Variants in LOXL4 observed in about 807,000 individuals in gnomAD.
The protein encoded by LOXL4 is lysyl oxidase like 4.
Under a neutral mutation model 89.1 loss-of-function variants are expected in LOXL4, and 72 were observed. The observed-to-expected ratio is 0.81, with a 90% CI of 0.67 to 0.98. The LOEUF (loss-of-function observed/expected upper bound fraction) is 0.98, where lower values mean the gene tolerates loss of function less well. Among genes scored for constraint, LOXL4 ranks in the 50% least tolerant of loss-of-function variants. The probability of loss-of-function intolerance (pLI) is 0.00; values close to 1 mark genes in which losing one functional copy is unlikely to be tolerated. For synonymous variants in LOXL4, 355 were observed against 392.1 expected (o/e 0.91, Z 1.12); for missense variants, 984 against 1,017.5 (o/e 0.97, Z 0.45).
intron 9 of LOXL4, chr10:98,256,553 TTCA>T (rs557716714): frequency 5.2e-6 from 3 of 577,128 alleles, no homozygotes; most frequent in East Asian, 3.0e-5. Flanking sequence ...CTAATTTCTA[TTCA>T]TCTTTCCTGC....
chr10:98,263,924 G>A (rs1858615976), intron 1 of LOXL4, among the ~76,000 whole-genome samples: 1 of 151,644 alleles, frequency 6.6e-6, no homozygotes, highest in Non-Finnish European at 1.5e-5. Flanking sequence ...GTAGAGACGG[G>A]GTTTCACCAT....
chr10:98,258,562 C>T (rs1858448791), intron 6 of LOXL4, among the ~76,000 whole-genome samples: 1 of 151,806 alleles, frequency 6.6e-6, no homozygotes, highest in African/African-American at 2.4e-5. Flanking sequence ...GTCTGTACCA[C>T]CTCACGAGGC....
intron 1 of LOXL4, among the ~76,000 whole-genome samples, chr10:98,264,237 A>G (rs1564762641): frequency 6.6e-6 from 1 of 150,414 alleles, no homozygotes. Context: ...CATGAAGCTC[A>G]AGCAAGAAGA....
chr10:98,253,941 G>T, intron 10 of LOXL4, 145 bp from the exon 11 acceptor site: 1 of 996,028 alleles, frequency 1.0e-6, no homozygotes, highest in Non-Finnish European at 1.5e-6. Context: ...GTCAGGAGAT[G>T]GTGAGTTCTA....
intron 8 of LOXL4, 81 bp downstream of exon 8, chr10:98,257,569 C>T (rs533755436): frequency 1.5e-5 from 23 of 1,507,546 alleles, no homozygotes; most frequent in East Asian, 4.5e-5. Flanking sequence ...GACCTCTCCC[C>T]GCTAGCTCGA....
intron 13 of LOXL4, 84 bp from the exon 14 acceptor site, chr10:98,251,260 T>G (rs1031326203): frequency 3.8e-6 from 4 of 1,057,262 alleles, no homozygotes; most frequent in African/African-American, 1.6e-5. Context: ...CTTACATGTG[T>G]TTCTATTTGC....
intron 9 of LOXL4, 32 bp from the exon 10 acceptor site, chr10:98,255,771 G>C (rs765754108): frequency 2.5e-6 from 4 of 1,595,342 alleles, no homozygotes; most frequent in African/African-American, 2.7e-5. Flanking sequence ...CCCAGTCAGC[G>C]TGCCTTTGGA....
In LOXL4 at chr10:98,259,441, G is replaced by A. The variant is rs372862534; in HGVS notation, c.663-12C>T. 3.8e-5 allele frequency: 61 copies of A among 1,612,240 alleles called. No individual in the cohort carries two copies. The highest frequency in any genetic ancestry group is 5.0e-5 in the Non-Finnish European group (59 of 1,179,254). On this transcript the variant is annotated splice_polypyrimidine_tract_variant and intron_variant, in intron 4 of 14. Coordinates refer to ENST00000260702, the MANE Select transcript of LOXL4 (RefSeq NM_032211.7). The stretch of plus-strand genomic sequence containing the variant: ...GATCCCAGACTTTCCTGTTATGGGA[G>A]AAAACAGATAGGAGGTGGAAGGGGT...
intron 6 of LOXL4, among the ~76,000 whole-genome samples, chr10:98,258,712 C>T (rs1347290247): frequency 6.7e-6 from 1 of 150,256 alleles, no homozygotes; most frequent in Non-Finnish European, 1.5e-5. Flanking sequence ...AAGGAGCAGG[C>T]TCAGGAGCAG....
At position 98,263,168 on chromosome 10, in the gene LOXL4, G is replaced by GTGT. The variant is rs1231112646; in HGVS notation, c.-32-120_-32-118dup. On this transcript the variant is annotated intron_variant, in intron 1 of 14. Coordinates refer to ENST00000260702, the MANE Select transcript of LOXL4 (RefSeq NM_032211.7). ...AAGAAAACCCCCCTCAAATGTGTGT[G>GTGT]TGTGTGCACGCGCACACACACACAC... 159 of 721,946 alleles carry GTGT rather than the reference G, an allele frequency of 2.2e-4. No individual in the cohort carries two copies. In the South Asian group the frequency reaches 2.9e-3, roughly 13 times the overall value. The allele number at this position is 721,946 out of a possible 1,614,324, so 44.7% of individuals were successfully genotyped here. A position where few individuals can be genotyped will look rare whatever the true frequency, so the allele number is the denominator to read the frequency against.
intron 1 of LOXL4, among the ~76,000 whole-genome samples, chr10:98,263,703 CTCTT>C (rs1364580487): frequency 2.0e-5 from 3 of 151,626 alleles, no homozygotes; most frequent in African/African-American, 4.8e-5. Flanking sequence ...TAGGTCCTGA[CTCTT>C]TCTTTCTTTT....
intron 12 of LOXL4, 82 bp from the exon 13 acceptor site, chr10:98,251,784 C>T (rs1858200444): frequency 6.6e-7 from 1 of 1,514,766 alleles, no homozygotes; most frequent in Non-Finnish European, 8.9e-7. Flanking sequence ...AGTTCAGTGT[C>T]ATCATGCCCA....
rs186022845 is a variant in LOXL4 at position 98,267,451 on chromosome 10, A to G, written c.-33+681T>C. Reference sequence around the variant, plus strand: ...GAGGGCTGAAGACAGCAAATGCCCGAGTATTCAAGAGAGAGCATGGGGGGT... The same window carrying G: ...GAGGGCTGAAGACAGCAAATGCCCGGGTATTCAAGAGAGAGCATGGGGGGT... On this transcript the variant is annotated intron_variant, in intron 1 of 14. Coordinates refer to ENST00000260702, the MANE Select transcript of LOXL4 (RefSeq NM_032211.7). 2.8e-3 allele frequency among the ~76,000 whole-genome samples: 434 copies of G among 152,300 alleles called. 2 individuals are homozygous for G. Among genetic ancestry groups the G allele is most frequent in the South Asian group, 0.01 (50 of 4,830 alleles).
chr10:98,257,174 C>G (rs568519377), intron 8 of LOXL4, among the ~76,000 whole-genome samples: 19 of 152,326 alleles, frequency 1.2e-4, no homozygotes, highest in African/African-American at 4.6e-4. Context: ...ACCAGGGGCT[C>G]CTCCTGCTCT....
chr10:98,251,002 C>T, intron 14 of LOXL4, 63 bp downstream of exon 14: 1 of 1,179,384 alleles, frequency 8.5e-7, no homozygotes, highest in Admixed American at 1.7e-5. Context: ...GCAGAGGGTA[C>T]ATTTACAGTG....
In LOXL4 at chr10:98,252,388, G is replaced by A. The variant is rs754658874; in HGVS notation, c.1916C>T (p.Ala639Val). The change falls in exon 12 of 15, where the codon GCC becomes GTC. Residue 639 changes from alanine (A) to valine (V), a missense_variant. Physicochemically the swap from Ala to Val is moderately conservative, Grantham distance 64. Coordinates refer to ENST00000260702, the MANE Select transcript of LOXL4 (RefSeq NM_032211.7). Reference sequence around the variant, plus strand: ...GTTTGTGTCCTCCAGACAGAAGCTGGCCTTGTGCCCCTCAGCCACCTTGGA... The same window carrying A: ...GTTTGTGTCCTCCAGACAGAAGCTGACCTTGTGCCCCTCAGCCACCTTGGA... ...NGSKVAEGHK[A>V]SFCLEDTNCP... is the part of the protein sequence containing the mutation. 3.1e-6 allele frequency: 5 copies of A among 1,614,090 alleles called. No homozygotes were observed. Among genetic ancestry groups the A allele is most frequent in the Non-Finnish European group, 4.2e-6 (5 of 1,179,974 alleles).
chr10:98,267,705 C>T (rs939292706), intron 1 of LOXL4, among the ~76,000 whole-genome samples: 4 of 152,140 alleles, frequency 2.6e-5, no homozygotes, highest in African/African-American at 9.7e-5. Context: ...CACGCCGACC[C>T]CCCAACATAA....
intron 6 of LOXL4, 71 bp from the exon 7 acceptor site, chr10:98,258,235 G>A: frequency 6.9e-7 from 1 of 1,455,244 alleles, no homozygotes; most frequent in Non-Finnish European, 9.2e-7. Flanking sequence ...CCCACAGCGG[G>A]ATCCCCAACG....
intron 9 of LOXL4, 62 bp downstream of exon 9, chr10:98,256,718 A>G: frequency 1.9e-6 from 3 of 1,595,694 alleles, no homozygotes; most frequent in Non-Finnish European, 2.6e-6. Context: ...TAGCACAGGA[A>G]GTTTTGGGCC....
Sources: gnomAD v4.1 joint callset for allele counts (sites outside exome capture counted in the v4.1 genomes callset) on GRCh38, gnomAD v4.1.1 for gene constraint, MANE v1.5 for transcripts, NCBI Gene and HGNC (gene_info 2026-07-23, HGNC 2026-07-21) for gene names.